CFAP54: variants seen among roughly 807,000 people sequenced by gnomAD.
CFAP54 encodes the protein cilia- and flagella-associated protein 54.
A neutral mutation model predicts 370.4 loss-of-function variants in CFAP54; 290 were observed. The ratio of observed to expected loss-of-function variants is 0.78; its 90% CI spans 0.71 to 0.86. The LOEUF (loss-of-function observed/expected upper bound fraction) is 0.86. Ranked by LOEUF, CFAP54 falls within the 40% of genes least tolerant of loss-of-function variation. The pLI, the probability that CFAP54 is intolerant of heterozygous loss-of-function variation, is 0.00. For synonymous variants in CFAP54, 1,206 were observed against 1,236.5 expected (o/e 0.98, Z 0.52); for missense variants, 3,399 against 3,528.7 (o/e 0.96, Z 0.93).
chr12:96,534,031 C>A, intron 10 of CFAP54, 31 bp from the exon 11 acceptor site: 1 of 1,500,000 alleles, frequency 6.7e-7, no homozygotes, highest in Non-Finnish European at 8.8e-7. Flanking sequence ...CATCCAATTA[C>A]TAATTAACGT....
In CFAP54 at chr12:96,592,609, A is replaced by C. The variant is rs1009427366; in HGVS notation, c.3332A>C (p.Lys1111Thr). ...GAAAATCTTTTCTGTGATAATATTAAAGGCAATGAGATTTTCCCATCTCAA... is the reference window on the plus strand; with the variant it reads ...GAAAATCTTTTCTGTGATAATATTACAGGCAATGAGATTTTCCCATCTCAA... ...KEENLFCDNI[K>T]GNEIFPSQQI... The change falls in exon 24 of 68, where the codon AAA (lysine) becomes ACA (threonine). Residue 1111 changes from lysine (K) to threonine (T), a missense_variant. This residue lies in a region of CFAP54 where 2,796 missense variants were observed against 2,869.7 expected (regional missense o/e 0.97). Coordinates refer to ENST00000524981, the MANE Select transcript of CFAP54 (RefSeq NM_001306084.2). The C allele has an allele frequency of 2.5e-5, 31 of 1,221,592 alleles. No homozygotes were observed. Among genetic ancestry groups the C allele is most frequent in the Non-Finnish European group, 3.3e-5 (30 of 914,158 alleles). The allele number at this position is 1,221,592 out of a possible 1,614,324, so 75.7% of individuals were successfully genotyped here. A position where few individuals can be genotyped will look rare whatever the true frequency, so the allele number is the denominator to read the frequency against.
chr12:96,567,208 T>G (rs1454985056), intron 19 of CFAP54, among the ~76,000 whole-genome samples: 2 of 152,186 alleles, frequency 1.3e-5, no homozygotes, highest in Non-Finnish European at 2.9e-5. Flanking sequence ...CATAGAGTGC[T>G]TGTAGTTCTA....
At chr12:96,669,117 A>C (rs1957114563) in intron 39 of CFAP54, among the ~76,000 whole-genome samples, 1 of 152,238 alleles carries the variant, frequency 6.6e-6, no homozygotes, top group Non-Finnish European at 1.5e-5. Flanking sequence ...AATAATAGTT[A>C]ACAGCTAGCA....
At chr12:96,531,888 C>A (rs1955443550) in intron 9 of CFAP54, among the ~76,000 whole-genome samples, 1 of 151,990 alleles carries the variant, frequency 6.6e-6, no homozygotes, top group African/African-American at 2.4e-5. Flanking sequence ...CCACGCCGGG[C>A]CAATTTTTTG....
At chr12:96,822,945 G>T (rs1219534165) in intron 65 of CFAP54, among the ~76,000 whole-genome samples, 1 of 152,050 alleles carries the variant, frequency 6.6e-6, no homozygotes, top group Non-Finnish European at 1.5e-5. Context: ...TTATTATGTT[G>T]TTCAACTTAG....
chr12:96,829,162 A>G (rs1212383184), intron 66 of CFAP54, 74 bp downstream of exon 66: 1 of 847,198 alleles, frequency 1.2e-6, no homozygotes, highest in African/African-American at 1.7e-5. Context: ...AATATAGAAA[A>G]CATCTAATTG....
At position 96,541,332 on chromosome 12, in the gene CFAP54, C is replaced by CT. The variant is rs1414618800; in HGVS notation, c.2077+346dup. On this transcript the variant is annotated intron_variant, in intron 14 of 67. Transcript: ENST00000524981. Reference sequence around the variant, plus strand: ...ACGGAGTTTTGCTCTGTTGCCCAGGCTGGAGTGCAGTGGCACAATCTCAGC... The same window carrying CT: ...ACGGAGTTTTGCTCTGTTGCCCAGGCTTGGAGTGCAGTGGCACAATCTCAGC... Among the ~76,000 whole-genome samples, 5 of 145,616 alleles carry CT rather than the reference C, an allele frequency of 3.4e-5. No homozygotes were observed. The South Asian group carries it at 1.1e-3, about 31-fold the overall frequency.
chr12:96,743,577 T>G lies in CFAP54; in HGVS notation c.7377+18T>G. On this transcript the variant is annotated intron_variant, in intron 53 of 67. Transcript: ENST00000524981. ...ACCTTCAGGTAGAAAGGAAACTTTG[T>G]TCGTATTTATAGTCAGGGAGGGATT... The G allele has an allele frequency of 6.2e-7, 1 of 1,613,820 alleles. No homozygotes were observed. The highest frequency in any genetic ancestry group is 8.5e-7 in the Non-Finnish European group (1 of 1,179,868).
chr12:96,780,560 T>C (rs1277166337), intron 60 of CFAP54, among the ~76,000 whole-genome samples: 4 of 151,952 alleles, frequency 2.6e-5, no homozygotes, highest in African/African-American at 9.7e-5. Flanking sequence ...TTCAACTAAC[T>C]GATATTCAAG....
intron 66 of CFAP54, among the ~76,000 whole-genome samples, chr12:96,837,229 A>G (rs981308561): frequency 1.3e-5 from 2 of 152,172 alleles, no homozygotes; most frequent in Non-Finnish European, 2.9e-5. Flanking sequence ...AGGCATTTGC[A>G]CCTTTAATTT....
At chr12:96,680,799 G>T (rs1158145894) in intron 40 of CFAP54, among the ~76,000 whole-genome samples, 1 of 151,918 alleles carries the variant, frequency 6.6e-6, no homozygotes, top group Non-Finnish European at 1.5e-5. Flanking sequence ...AATGGGTAAG[G>T]CTGACTGGGC....
intron 66 of CFAP54, among the ~76,000 whole-genome samples, chr12:96,850,852 G>A (rs1219143299): frequency 6.6e-6 from 1 of 152,136 alleles, no homozygotes; most frequent in Non-Finnish European, 1.5e-5. Flanking sequence ...CAGATCTCTT[G>A]AGAACTCCCT....
chr12:96,685,939 T>C (rs1957325480), intron 42 of CFAP54, among the ~76,000 whole-genome samples: 1 of 152,168 alleles, frequency 6.6e-6, no homozygotes, highest in South Asian at 2.1e-4. Flanking sequence ...ATGGGCCTCA[T>C]TCAAAAGTGT....
At chr12:96,494,446 G>A (rs7298412) in intron 1 of CFAP54, among the ~76,000 whole-genome samples, 4,541 of 151,928 alleles carry the variant, frequency 0.03, 240 homozygotes, top group African/African-American at 0.1. Context: ...GATTATAGGC[G>A]CATGCCACCA....
Position 96,621,666 on chromosome 12 carries a change from C to A in CFAP54, c.3716C>A (p.Pro1239Gln). 1 of 1,528,828 alleles carries A rather than the reference C, an allele frequency of 6.5e-7. No individual in the cohort carries two copies. Among genetic ancestry groups the A allele is most frequent in the Non-Finnish European group, 8.8e-7 (1 of 1,142,414 alleles). 94.7% of individuals were successfully genotyped at this position (1,528,828 alleles called of 1,614,324 possible). ...GGGAAAAAAATGTTGGACATCACAC[C>A]AGGATGCAAGTCTCTGTTTGATGGT... ...NYGKKMLDIT[P>Q]GCKSLFDGSN... is the part of the protein sequence containing the mutation. The change falls in exon 27 of 68, where the codon CCA becomes CAA. Residue 1239 changes from proline to glutamine, a missense_variant. By Grantham distance (76) the Pro-to-Gln change is moderately conservative. Transcript: ENST00000524981.
Position 96,743,763 on chromosome 12 carries a change from T to C in CFAP54, c.7410T>C (p.Phe2470=), listed in dbSNP as rs577123268. The C allele has an allele frequency of 3.7e-6, 6 of 1,610,704 alleles. No homozygotes were observed. Among genetic ancestry groups the C allele is most frequent in the Middle Eastern group, 1.7e-4 (1 of 6,018 alleles). The change falls in exon 54 of 68, where the codon TTT becomes TTC. Residue 2470 remains phenylalanine (F), a synonymous_variant. Transcript: ENST00000524981. ...DIIHLLEGNE[F]ISPQSRLTLA... ...TACATTTGCTGGAAGGAAATGAATT[T>C]ATTTCTCCTCAATCACGGCTAACCC... is the stretch of plus-strand genomic sequence containing the variant.
chr12:96,688,451 CA>C (rs1486887734), intron 42 of CFAP54, among the ~76,000 whole-genome samples: 1 of 152,128 alleles, frequency 6.6e-6, no homozygotes, highest in African/African-American at 2.4e-5. Context: ...GATAAGTGCT[CA>C]AAAGTGTAGG....
At chr12:96,530,635 C>T (rs1955431564) in intron 9 of CFAP54, among the ~76,000 whole-genome samples, 2 of 152,198 alleles carry the variant, frequency 1.3e-5, no homozygotes, top group Admixed American at 1.3e-4. Context: ...CTGCTATGAA[C>T]AGTTGAGTAC....
At chr12:96,681,167 T>C (rs765404965) in intron 40 of CFAP54, among the ~76,000 whole-genome samples, 3 of 151,028 alleles carry the variant, frequency 2.0e-5, no homozygotes, top group East Asian at 2.1e-4. Flanking sequence ...AAAAGGCAAA[T>C]GCAATTCCTA....
Sources: allele counts gnomAD v4.1 joint callset (sites outside exome capture counted in the v4.1 genomes callset), GRCh38; gene constraint gnomAD v4.1.1; regional missense constraint gnomAD v4.1.1; transcripts MANE v1.5; gene names NCBI Gene and HGNC (gene_info 2026-07-23, HGNC 2026-07-21).